The following HSD17B12 variants were observed in gnomAD, a reference collection of about 807,000 sequenced individuals.
HSD17B12 encodes hydroxysteroid 17-beta dehydrogenase 12, also known as very-long-chain 3-oxoacyl-CoA reductase.
In HSD17B12, 32 loss-of-function variants were observed where a neutral mutation model predicts 39.3. That is an observed-to-expected ratio of 0.81 (90% CI 0.61 to 1.09). The LOEUF (loss-of-function observed/expected upper bound fraction) is 1.09, where lower values mean the gene tolerates loss of function less well. Among genes scored for constraint, HSD17B12 ranks in the 50% least tolerant of loss-of-function variants. HSD17B12 has a pLI of 0.00. For missense variants in HSD17B12, 342 were observed against 382.9 expected (o/e 0.89, Z 0.89); for synonymous variants, 150 against 146.7 (o/e 1.02, Z -0.16).
rs534745784 is a variant in HSD17B12, at chr11:43,718,037, T to G, written c.161-32874T>G. Among the ~76,000 whole-genome samples the G allele has an allele frequency of 2.0e-5, 3 of 152,268 alleles. No homozygotes were observed. In the South Asian group the frequency reaches 6.2e-4, roughly 32 times the overall value. On this transcript the variant is annotated intron_variant, in intron 1 of 10. Coordinates refer to ENST00000278353, the MANE Select transcript of HSD17B12 (RefSeq NM_016142.3). ...TCAGGCTGGTCTCAAACTCCTGGCC[T>G]CAAGCAATCCACCCGCCTTGGCCTC...
At chr11:43,619,179 AT>A in the HSD17B12 span, among the ~76,000 whole-genome samples, 14 of 77,292 alleles carry the variant, frequency 1.8e-4, no homozygotes, top group African/African-American at 6.5e-4. Flanking sequence ...ATATATATAT[AT>A]AAAATATATA....
At chr11:43,647,360 C>A in the HSD17B12 span, among the ~76,000 whole-genome samples, 1 of 151,962 alleles carries the variant, frequency 6.6e-6, no homozygotes, top group Non-Finnish European at 1.5e-5. Context: ...ACTATAACCT[C>A]AAACTCCCAG....
chr11:43,658,385 C>T, the HSD17B12 span, among the ~76,000 whole-genome samples: 1 of 152,166 alleles, frequency 6.6e-6, no homozygotes, highest in Non-Finnish European at 1.5e-5. Flanking sequence ...GCCTTCTTCC[C>T]TCAACTTGTG....
chr11:43,699,661 A>G (rs533856528), intron 1 of HSD17B12, among the ~76,000 whole-genome samples: 3 of 152,094 alleles, frequency 2.0e-5, no homozygotes, highest in African/African-American at 7.2e-5. Context: ...TTCCTATTTT[A>G]GTTTGGGTTC....
chr11:43,850,404 G>A (rs893711126), intron 9 of HSD17B12, among the ~76,000 whole-genome samples: 8 of 152,110 alleles, frequency 5.3e-5, no homozygotes, highest in African/African-American at 1.7e-4. Context: ...CTGGCTACAC[G>A]GTTGAATTTA....
At chr11:43,846,777 G>A (rs1374350673) in intron 9 of HSD17B12, among the ~76,000 whole-genome samples, 2 of 152,082 alleles carry the variant, frequency 1.3e-5, no homozygotes, top group African/African-American at 2.4e-5. Flanking sequence ...AGGAAACAAA[G>A]GTAAATAAGA....
chr11:43,712,860 C>A (rs1332863787), intron 1 of HSD17B12, among the ~76,000 whole-genome samples: 1 of 152,200 alleles, frequency 6.6e-6, no homozygotes, highest in African/African-American at 2.4e-5. Context: ...GAGTATTAGT[C>A]ATTGCAGAGA....
chr11:43,646,105 C>T, the HSD17B12 span: 1 of 152,270 alleles, frequency 6.6e-6, no homozygotes, highest in African/African-American at 2.4e-5. Flanking sequence ...AAGATCACTT[C>T]ACTGTACTCC....
chr11:43,690,102 A>G (rs903942671), intron 1 of HSD17B12, among the ~76,000 whole-genome samples: 14 of 151,444 alleles, frequency 9.2e-5, no homozygotes, highest in Non-Finnish European at 1.9e-4. Flanking sequence ...CCTCCTACCT[A>G]TAAACTCACA....
the HSD17B12 span, among the ~76,000 whole-genome samples, chr11:43,637,929 T>G: frequency 6.6e-6 from 1 of 152,126 alleles, no homozygotes; most frequent in African/African-American, 2.4e-5. Flanking sequence ...AATTAGCAAA[T>G]TATTACCATG....
chr11:43,721,152 T>C (rs1003334652), intron 1 of HSD17B12, among the ~76,000 whole-genome samples: 2 of 151,758 alleles, frequency 1.3e-5, no homozygotes, highest in Non-Finnish European at 2.9e-5. Flanking sequence ...TAATACTAGA[T>C]AAATAATGTA....
intron 9 of HSD17B12, among the ~76,000 whole-genome samples, chr11:43,841,266 A>G (rs901355630): frequency 5.3e-5 from 8 of 152,188 alleles, no homozygotes; most frequent in Non-Finnish European, 1.2e-4. Context: ...GGAATGATCT[A>G]TATATTCTGG....
At chr11:43,640,932 T>C in the HSD17B12 span, 1 of 102,406 alleles carries the variant, frequency 9.8e-6, no homozygotes, top group South Asian at 2.8e-4. Flanking sequence ...CATTTACTTG[T>C]TTTTTTTTTA....
At chr11:43,576,779 T>A in the HSD17B12 span, among the ~76,000 whole-genome samples, 2 of 152,108 alleles carry the variant, frequency 1.3e-5, no homozygotes, top group African/African-American at 4.8e-5. Context: ...TGTATGTGTA[T>A]AATGAATTTG....
chr11:43,610,391 T>C, the HSD17B12 span, among the ~76,000 whole-genome samples: 4 of 152,192 alleles, frequency 2.6e-5, no homozygotes, highest in East Asian at 5.8e-4. Context: ...TGCCAGGTAC[T>C]GTATCTGACT....
chr11:43,855,318 T>G lies in HSD17B12; in HGVS notation c.*70T>G, dbSNP rs1226060321. The stretch of plus-strand genomic sequence containing the variant: ...GCACGTTCACTGCAAAGCACCCTAC[T>G]GGTTTTGAAAATCTGACCTTGTCAT... On this transcript the variant is annotated 3_prime_UTR_variant, in exon 11 of 11. Transcript: ENST00000278353. The G allele has an allele frequency of 1.2e-5, 10 of 847,040 alleles. No homozygotes were observed. Among genetic ancestry groups the G allele is most frequent in the Middle Eastern group, 3.2e-4 (1 of 3,084 alleles). 52.5% of individuals were successfully genotyped at this position (847,040 alleles called of 1,614,324 possible).
At chr11:43,772,253 G>C (rs1950657373) in intron 3 of HSD17B12, among the ~76,000 whole-genome samples, 1 of 152,142 alleles carries the variant, frequency 6.6e-6, no homozygotes, top group Admixed American at 6.5e-5. Context: ...GCATTAATTG[G>C]AAAATAAGCC....
chr11:43,609,000 C>T, the HSD17B12 span, among the ~76,000 whole-genome samples: 1 of 152,136 alleles, frequency 6.6e-6, no homozygotes, highest in African/African-American at 2.4e-5. Flanking sequence ...TCACAGTTCA[C>T]TGCAGCCTCG....
chr11:43,649,318 T>TAA, the HSD17B12 span, among the ~76,000 whole-genome samples: 1 of 152,016 alleles, frequency 6.6e-6, no homozygotes, highest in Non-Finnish European at 1.5e-5. Flanking sequence ...TTTATATATA[T>TAA]AATATCATAT....
Sources: gnomAD v4.1 joint callset for allele counts (sites outside exome capture counted in the v4.1 genomes callset) on GRCh38, gnomAD v4.1.1 for gene constraint, MANE v1.5 for transcripts, NCBI Gene and HGNC (gene_info 2026-07-23, HGNC 2026-07-21) for gene names.